LOC128462377: variants seen among roughly 807,000 people sequenced by gnomAD.
chr16:89,388,278 C>T, the LOC128462377 span, among the ~76,000 whole-genome samples: 1 of 141,634 alleles, frequency 7.1e-6, no homozygotes, highest in Non-Finnish European at 1.5e-5. Context: ...GTGCTCTCTT[C>T]TCTCCATGAG....
the LOC128462377 span, among the ~76,000 whole-genome samples, chr16:89,346,952 TA>T: frequency 6.6e-6 from 1 of 152,066 alleles, no homozygotes; most frequent in Non-Finnish European, 1.5e-5. Flanking sequence ...CACGACACAA[TA>T]GGAAAGCAAC....
At chr16:89,346,348 A>G in the LOC128462377 span, among the ~76,000 whole-genome samples, 3 of 152,098 alleles carry the variant, frequency 2.0e-5, no homozygotes, top group Non-Finnish European at 2.9e-5. Context: ...ACAGACAAGG[A>G]GACAACCCTA....
chr16:89,376,115 G>T, the LOC128462377 span, among the ~76,000 whole-genome samples: 5 of 152,174 alleles, frequency 3.3e-5, no homozygotes, highest in Non-Finnish European at 7.3e-5. Context: ...CACTGAAAAC[G>T]CAGCTTTAAA....
At chr16:89,342,555 C>G in the LOC128462377 span, among the ~76,000 whole-genome samples, 6 of 152,202 alleles carry the variant, frequency 3.9e-5, no homozygotes, top group Non-Finnish European at 7.3e-5. Flanking sequence ...ACACCACGTG[C>G]CTGAGCAGGA....
the LOC128462377 span, among the ~76,000 whole-genome samples, chr16:89,388,190 A>C: frequency 6.6e-6 from 1 of 152,044 alleles, no homozygotes; most frequent in Non-Finnish European, 1.5e-5. Flanking sequence ...ATCAGCACTA[A>C]CACCAGACTA....
chr16:89,342,906 A>C, the LOC128462377 span, among the ~76,000 whole-genome samples: 2 of 152,246 alleles, frequency 1.3e-5, no homozygotes, highest in East Asian at 1.9e-4. Flanking sequence ...AATGAAAAGA[A>C]GGCTCATATC....
chr16:89,327,714 T>G, the LOC128462377 span, among the ~76,000 whole-genome samples: 2 of 138,296 alleles, frequency 1.4e-5, no homozygotes, highest in African/African-American at 5.4e-5. Context: ...ATAAAGACAG[T>G]ACCATTTATA....
chr16:89,338,681 C>G, the LOC128462377 span, among the ~76,000 whole-genome samples: 1 of 145,902 alleles, frequency 6.9e-6, no homozygotes. Flanking sequence ...GCCAAGATCA[C>G]GCCACTGCCC....
At chr16:89,324,319 G>A in the LOC128462377 span, 1 of 1,257,946 alleles carries the variant, frequency 7.9e-7, no homozygotes. Flanking sequence ...CACGGACACA[G>A]CAGTCGGGGC....
the LOC128462377 span, among the ~76,000 whole-genome samples, chr16:89,384,874 GTTTTCTTTTTTT>G: frequency 5.5e-5 from 4 of 72,752 alleles, no homozygotes; most frequent in East Asian, 1.3e-3. Context: ...ATGAGAAATA[GTTTTCTTTTTTT>G]TTTTTTTTTT....
At chr16:89,414,580 C>T in the LOC128462377 span, among the ~76,000 whole-genome samples, 2 of 152,190 alleles carry the variant, frequency 1.3e-5, no homozygotes, top group East Asian at 3.8e-4. Flanking sequence ...ATTTAATCTC[C>T]AAGGAAGTCT....
the LOC128462377 span, among the ~76,000 whole-genome samples, chr16:89,413,116 C>G: frequency 6.6e-6 from 1 of 152,198 alleles, no homozygotes; most frequent in Non-Finnish European, 1.5e-5. Flanking sequence ...CCCATTTTCA[C>G]ATGAACAGGT....
the LOC128462377 span, chr16:89,320,493 AGCCGAGGGGCCGGCCAGCACCT>A: frequency 3.3e-5 from 5 of 152,222 alleles, no homozygotes; most frequent in African/African-American, 1.2e-4. Flanking sequence ...GTAAACGCAG[AGCCGAGGGGCCGGCCAGCACCT>A]GGCCCTGACC....
chr16:89,394,361 G>GCTCC, the LOC128462377 span, among the ~76,000 whole-genome samples: 1 of 152,344 alleles, frequency 6.6e-6, no homozygotes, highest in South Asian at 2.1e-4. Context: ...AGGCACAGTG[G>GCTCC]CTCCCGCCCG....
chr16:89,361,841 A>C, the LOC128462377 span, among the ~76,000 whole-genome samples: 1 of 152,188 alleles, frequency 6.6e-6, no homozygotes, highest in Non-Finnish European at 1.5e-5. Context: ...AAAACAAAAC[A>C]AACAAAAAAA....
At chr16:89,388,716 A>C in the LOC128462377 span, among the ~76,000 whole-genome samples, 1 of 152,036 alleles carries the variant, frequency 6.6e-6, no homozygotes, top group African/African-American at 2.4e-5. Flanking sequence ...CCACACAAAG[A>C]AGAGCCGGCA....
the LOC128462377 span, among the ~76,000 whole-genome samples, chr16:89,344,347 T>C: frequency 1.3e-5 from 2 of 152,036 alleles, no homozygotes; most frequent in Non-Finnish European, 2.9e-5. Flanking sequence ...GCTGCAACCA[T>C]CCAAAGACAC....
At chr16:89,324,159 C>T in the LOC128462377 span, 1 of 1,082,458 alleles carries the variant, frequency 9.2e-7, no homozygotes, top group South Asian at 1.6e-5. Flanking sequence ...TTTCCACTCA[C>T]ATTTTCTGTT....
At chr16:89,346,963 C>T in the LOC128462377 span, among the ~76,000 whole-genome samples, 1 of 152,198 alleles carries the variant, frequency 6.6e-6, no homozygotes, top group African/African-American at 2.4e-5. Context: ...AGGAAAGCAA[C>T]TAGACAAAAT....
Sources: allele counts gnomAD v4.1 joint callset (sites outside exome capture counted in the v4.1 genomes callset), GRCh38; gene constraint gnomAD v4.1.1; transcripts MANE v1.5.